NTM: variants seen among roughly 807,000 people sequenced by gnomAD.
NTM encodes neurotrimin, also known as IgLON family member 2.
In NTM, 13 loss-of-function variants were observed where a neutral mutation model predicts 42.1. The observed-to-expected ratio is 0.31, with a 90% confidence interval of 0.20 to 0.49. The LOEUF is 0.49. NTM is among the 20% of genes least tolerant of loss of function. The probability of loss-of-function intolerance (pLI) is 0.99; values close to 1 mark genes in which losing one functional copy is unlikely to be tolerated. For synonymous variants in NTM, 187 were observed against 179.2 expected (o/e 1.04, Z -0.35); for missense variants, 373 against 452.8 (o/e 0.82, Z 1.60).
chr11:132,161,145 G>A lies in NTM; in HGVS notation c.400+14631G>A, dbSNP rs981183410. 2.6e-5 allele frequency among the ~76,000 whole-genome samples: 4 copies of A among 152,052 alleles called. No individual in the cohort carries two copies. In the East Asian group the frequency reaches 7.8e-4, roughly 30 times the overall value. The stretch of plus-strand genomic sequence containing the variant: ...TCTTGCCTGGCCAGGGCTCCTCAGC[G>A]GAGGTGAGGAGGAGTTGAGCTCCTG... On this transcript the variant is annotated intron_variant, in intron 3 of 8. Transcript: ENST00000683400.
chr11:131,950,641 T>C (rs2060876969), intron 2 of NTM, among the ~76,000 whole-genome samples: 2 of 152,204 alleles, frequency 1.3e-5, no homozygotes, highest in Admixed American at 1.3e-4. Context: ...TACTAAAATG[T>C]TAAGGGGGAG....
intron 1 of NTM, among the ~76,000 whole-genome samples, chr11:131,430,065 C>T (rs1948527156): frequency 6.6e-6 from 1 of 152,122 alleles, no homozygotes; most frequent in Non-Finnish European, 1.5e-5. Context: ...CATTAAATAC[C>T]TATTTGTGGA....
Position 131,954,494 on chromosome 11 carries a change from G to A in NTM, c.167+42846G>A, listed in dbSNP as rs570115359. Among the ~76,000 whole-genome samples, 71 of 152,292 alleles carry A rather than the reference G, an allele frequency of 4.7e-4. 1 individual carries two copies. Among genetic ancestry groups the A allele is most frequent in the African/African-American group, 1.7e-3 (70 of 41,570 alleles). On this transcript the variant is annotated intron_variant, in intron 2 of 8. Transcript: ENST00000683400. ...TTAGGCCGACAAGTCAGGTTCCTCA[G>A]GGCTCCCGATGATACAGCAGGAGGA...
chr11:131,872,512 C>G (rs1023360138), intron 1 of NTM, among the ~76,000 whole-genome samples: 1 of 152,152 alleles, frequency 6.6e-6, no homozygotes, highest in African/African-American at 2.4e-5. Context: ...CTCACATTAC[C>G]AAACAGTTAC....
chr11:131,813,369 G>A lies in NTM; in HGVS notation c.83-98195G>A, dbSNP rs1008120364. Among the ~76,000 whole-genome samples, 3 of 152,268 alleles carry A rather than the reference G, an allele frequency of 2.0e-5. No individual in the cohort carries two copies. The East Asian group carries it at 5.8e-4, about 29-fold the overall frequency. On this transcript the variant is annotated intron_variant, in intron 1 of 8. Coordinates refer to ENST00000683400, the MANE Select transcript of NTM (RefSeq NM_001352005.2). ...AGGCACACTGCTACGTGCTGGGGATGCAAAGATGAATAATATGAGATTCCT... is the reference window on the plus strand; with the variant it reads ...AGGCACACTGCTACGTGCTGGGGATACAAAGATGAATAATATGAGATTCCT...
At chr11:131,630,751 T>C (rs1443048997) in intron 1 of NTM, among the ~76,000 whole-genome samples, 1 of 152,222 alleles carries the variant, frequency 6.6e-6, no homozygotes, top group African/African-American at 2.4e-5. Context: ...CTGGGATCTC[T>C]TGGAGGTTAA....
At chr11:132,281,059 T>C (rs1347822854) in intron 4 of NTM, among the ~76,000 whole-genome samples, 1 of 152,250 alleles carries the variant, frequency 6.6e-6, no homozygotes, top group Non-Finnish European at 1.5e-5. Context: ...ATAATGAGCA[T>C]AAATGTTCAT....
intron 1 of NTM, among the ~76,000 whole-genome samples, chr11:131,811,334 C>T (rs1025119041): frequency 6.6e-6 from 1 of 152,164 alleles, no homozygotes; most frequent in Non-Finnish European, 1.5e-5. Flanking sequence ...AGGCATAACC[C>T]AGACCCAAGC....
At chr11:131,602,802 A>G (rs2060606931) in intron 1 of NTM, among the ~76,000 whole-genome samples, 1 of 152,162 alleles carries the variant, frequency 6.6e-6, no homozygotes, top group Non-Finnish European at 1.5e-5. Context: ...TCCCTATGTC[A>G]GTAAATGAAC....
intron 1 of NTM, among the ~76,000 whole-genome samples, chr11:131,404,674 T>C (rs1222804524): frequency 5.3e-5 from 8 of 152,212 alleles, no homozygotes; most frequent in Non-Finnish European, 1.0e-4. Context: ...GTCTCTGAAA[T>C]TGGGACACAT....
chr11:131,401,184 A>G (rs1369031966), intron 1 of NTM, among the ~76,000 whole-genome samples: 2 of 152,112 alleles, frequency 1.3e-5, no homozygotes. Flanking sequence ...AAAAACACCT[A>G]GAGGCCTTAA....
chr11:131,789,960 A>AC (rs2090685762), intron 1 of NTM, among the ~76,000 whole-genome samples: 1 of 148,914 alleles, frequency 6.7e-6, no homozygotes, highest in Non-Finnish European at 1.5e-5. Context: ...CGTCTCAAAA[A>AC]AAAAAAAAAA....
At chr11:131,873,576 T>C (rs28832949) in intron 1 of NTM, among the ~76,000 whole-genome samples, 2 of 48,022 alleles carry the variant, frequency 4.2e-5, no homozygotes, top group African/African-American at 9.8e-5. Context: ...TATATATACA[T>C]ATATATATAC....
chr11:131,680,721 A>G (rs1217325499), intron 1 of NTM, among the ~76,000 whole-genome samples: 1,391 of 15,006 alleles, frequency 0.093, 4 homozygotes, highest in Middle Eastern at 0.12. Context: ...GTGTGTGCAT[A>G]TGTTTGCATA....
chr11:131,668,526 C>G (rs2069522131), intron 1 of NTM, among the ~76,000 whole-genome samples: 1 of 152,150 alleles, frequency 6.6e-6, no homozygotes, highest in Non-Finnish European at 1.5e-5. Context: ...GGCCCTTTCC[C>G]CTGTTGGATA....
At chr11:131,636,612 G>T (rs2134180114) in intron 1 of NTM, among the ~76,000 whole-genome samples, 1 of 152,228 alleles carries the variant, frequency 6.6e-6, no homozygotes, top group South Asian at 2.1e-4. Context: ...GCTTGCAGTC[G>T]CCCCTGCAGA....
At chr11:131,429,464 G>C (rs1194347795) in intron 1 of NTM, among the ~76,000 whole-genome samples, 1 of 152,148 alleles carries the variant, frequency 6.6e-6, no homozygotes, top group African/African-American at 2.4e-5. Flanking sequence ...ACCCAGATTT[G>C]AGTGTCATTA....
intron 3 of NTM, among the ~76,000 whole-genome samples, chr11:132,199,814 T>G (rs1034482430): frequency 8.6e-5 from 13 of 152,004 alleles, no homozygotes; most frequent in African/African-American, 2.9e-4. Context: ...TAGCCTTTAA[T>G]TAGTTTCTGA....
In NTM at chr11:132,002,715, A is replaced by G. The variant is rs2069593791; in HGVS notation, c.167+91067A>G. Among the ~76,000 whole-genome samples, 1 of 152,150 alleles carries G rather than the reference A, an allele frequency of 6.6e-6. No homozygotes were observed. Among genetic ancestry groups the G allele is most frequent in the Non-Finnish European group, 1.5e-5 (1 of 68,026 alleles). On this transcript the variant is annotated intron_variant, in intron 2 of 8. Coordinates refer to ENST00000683400, the MANE Select transcript of NTM (RefSeq NM_001352005.2). This position sits in a 1 kb window ranked among gnomAD's most constrained non-coding sequence, Gnocchi z 4.5. ...GTCTACTAAATTTTGTGGCAATACA[A>G]TGCCTGGGTTTGAATTCAAGTTCTG...
Sources: gnomAD v4.1 joint callset for allele counts (sites outside exome capture counted in the v4.1 genomes callset) on GRCh38, gnomAD v4.1.1 for gene constraint, Gnocchi (gnomAD v3.1) non-coding constraint, MANE v1.5 for transcripts, NCBI Gene and HGNC (gene_info 2026-07-23, HGNC 2026-07-21) for gene names.